C1orf116: variants seen among roughly 807,000 people sequenced by gnomAD.
C1orf116 encodes the protein specifically androgen-regulated gene protein.
A neutral mutation model predicts 14.1 loss-of-function variants in C1orf116; 12 were observed. The ratio of observed to expected loss-of-function variants is 0.85; its 90% confidence interval spans 0.54 to 1.38. The LOEUF (loss-of-function observed/expected upper bound fraction) is 1.38. Among genes scored for constraint, C1orf116 ranks in the 40% most tolerant of loss-of-function variants. The pLI, the probability that C1orf116 is intolerant of heterozygous loss-of-function variation, is 0.00. For missense variants in C1orf116, 797 were observed against 747.0 expected (o/e 1.07, Z -0.78); for synonymous variants, 296 against 299.0 (o/e 0.99, Z 0.10).
rs1682285107 is a variant in C1orf116 at position 207,032,735 on chromosome 1, G to A, written c.-238C>T. 5.1e-6 allele frequency: 5 copies of A among 985,288 alleles called. No individual in the cohort carries two copies. The highest frequency in any genetic ancestry group is 6.0e-6 in the Non-Finnish European group (5 of 829,962). 61.0% of individuals were successfully genotyped at this position (985,288 alleles called of 1,614,324 possible). A position where few individuals can be genotyped will look rare whatever the true frequency, so the allele number is the denominator to read the frequency against. On this transcript the variant is annotated 5_prime_UTR_variant, in exon 1 of 4. Transcript: ENST00000359470. Reference sequence around the variant, plus strand: ...GATAGGTAAATGCTTCATCTGTGCTGCCTGGCCCCCACCCTGCCACTGACT... The same window carrying A: ...GATAGGTAAATGCTTCATCTGTGCTACCTGGCCCCCACCCTGCCACTGACT...
rs776480857 is a variant in C1orf116 at position 207,027,522 on chromosome 1, A to T, written c.77T>A (p.Met26Lys). ...TCCAGAGCGGGTGGAGGTGCTGCTC[A>T]TCATGCTGTCACAGCTGCCGACACG... ...VTRVGSCDSM[M>K]SSTSTRSGSS... Residue 26 changes from methionine to lysine, a missense_variant, in exon 2 of 4, where the codon ATG becomes AAG. Transcript: ENST00000359470. The T allele has an allele frequency of 6.2e-7, 1 of 1,613,930 alleles. No homozygotes were observed. Among genetic ancestry groups the T allele is most frequent in the Admixed American group, 1.7e-5 (1 of 60,012 alleles).
At chr1:207,028,548 C>T (rs189349038) in intron 1 of C1orf116, among the ~76,000 whole-genome samples, 1 of 152,336 alleles carries the variant, frequency 6.6e-6, no homozygotes, top group East Asian at 1.9e-4. Context: ...TTTCTAGTGC[C>T]TCTGTTGTTG....
At chr1:207,029,144 C>A (rs904910975) in intron 1 of C1orf116, among the ~76,000 whole-genome samples, 1 of 151,920 alleles carries the variant, frequency 6.6e-6, no homozygotes, top group African/African-American at 2.4e-5. Flanking sequence ...CCCCAAGGAG[C>A]TCCTCTTCTG....
chr1:207,025,031 C>T lies in C1orf116; in HGVS notation c.139G>A (p.Glu47Lys), dbSNP rs749634407. 7.0e-7 allele frequency: 1 copy of T among 1,435,318 alleles called. No individual in the cohort carries two copies. The highest frequency in any genetic ancestry group is 2.0e-5 in the Admixed American group (1 of 50,370). 88.9% of individuals were successfully genotyped at this position (1,435,318 alleles called of 1,614,324 possible). A position where few individuals can be genotyped will look rare whatever the true frequency, so the allele number is the denominator to read the frequency against. The change falls in exon 3 of 4, where the codon GAG (glutamate) becomes AAG (lysine). Residue 47 changes from glutamate (E) to lysine (K), a missense_variant. By Grantham distance (56) the Glu-to-Lys change is moderately conservative. Coordinates refer to ENST00000359470, the MANE Select transcript of C1orf116 (RefSeq NM_023938.6). Reference sequence around the variant, plus strand: ...TCCAGGAAGAGCAGACACTCCTTCTCTTCAGTGGACAGGAAGTCGTAGCTG... The same window carrying T: ...TCCAGGAAGAGCAGACACTCCTTCTTTTCAGTGGACAGGAAGTCGTAGCTG... ...DSSYDFLSTE[E>K]KECLLFLEET...
chr1:207,024,020 A>T (rs1320152834), intron 3 of C1orf116, among the ~76,000 whole-genome samples: 1 of 152,204 alleles, frequency 6.6e-6, no homozygotes, highest in Non-Finnish European at 1.5e-5. Context: ...CCTCTGAATA[A>T]GTGATTTGCT....
chr1:207,022,458 C>T lies in C1orf116; in HGVS notation c.1306G>A (p.Ala436Thr), dbSNP rs1239765408. The T allele has an allele frequency of 6.2e-7, 1 of 1,614,198 alleles. No individual in the cohort carries two copies. Among genetic ancestry groups the T allele is most frequent in the Admixed American group, 1.7e-5 (1 of 60,020 alleles). ...GAAATTGGCATAGATTTGCTAGCTG[C>T]AACATTGCCTGGAGCTGGAGACTTC... ...PMKSPAPGNV[A>T]ASKSMPISIP... is the part of the protein sequence containing the mutation. The change falls in exon 4 of 4, where the codon GCA becomes ACA. Residue 436 changes from alanine to threonine, a missense_variant. Transcript: ENST00000359470.
Position 207,023,500 on chromosome 1 carries a change from C to A in C1orf116, c.284-20G>T. On this transcript the variant is annotated intron_variant, in intron 3 of 3. Transcript: ENST00000359470. ...GACCTCCTGTGAGGGTCAGAAAGAA[C>A]ATAAAAGAGTGGACAGAAAAAGAGT... The A allele has an allele frequency of 1.3e-6, 2 of 1,573,726 alleles. No homozygotes were observed. Among genetic ancestry groups the A allele is most frequent in the South Asian group, 1.2e-5 (1 of 84,176 alleles).
chr1:207,024,832 G>A (rs1235016771), intron 3 of C1orf116, 55 bp downstream of exon 3: 1 of 1,585,368 alleles, frequency 6.3e-7, no homozygotes, highest in African/African-American at 1.3e-5. Flanking sequence ...GGCCGGAGGG[G>A]ACATATTGAT....
chr1:207,022,183 C>G lies in C1orf116; in HGVS notation c.1581G>C (p.Arg527=). Residue 527 remains arginine (R), a synonymous_variant, in exon 4 of 4, where the codon CGG becomes CGC. Transcript: ENST00000359470. The stretch of plus-strand genomic sequence containing the variant: ...CCGTGCCCAGGGAGGCCGGGCGGGG[C>G]CGAGAATTACGTAAGACACTGGGCG... The part of the protein sequence containing the change: ...KISPSVLRNS[R]PRPASLGTGK... 1.2e-6 allele frequency: 2 copies of G among 1,613,706 alleles called. No individual in the cohort carries two copies. Among genetic ancestry groups the G allele is most frequent in the Non-Finnish European group, 1.7e-6 (2 of 1,179,724 alleles).
chr1:207,023,533 G>A (rs1265088429), intron 3 of C1orf116, 53 bp from the exon 4 acceptor site: 1 of 1,524,816 alleles, frequency 6.6e-7, no homozygotes, highest in Non-Finnish European at 8.8e-7. Flanking sequence ...AGTGGACAGA[G>A]GTGAGGGCCC....
Position 207,021,946 on chromosome 1 carries a change from T to TGGTC in C1orf116, c.*8_*11dup. ...TGTTCAGCCAGGACAGGGTCTGTAC[T>TGGTC]GGTCGCAGAGTCTACTCCTTCAACA... On this transcript the variant is annotated 3_prime_UTR_variant, in exon 4 of 4. Transcript: ENST00000359470. 6.6e-7 allele frequency: 1 copy of TGGTC among 1,517,782 alleles called. No homozygotes were observed. Among genetic ancestry groups the TGGTC allele is most frequent in the Non-Finnish European group, 8.8e-7 (1 of 1,134,118 alleles). 94.0% of individuals were successfully genotyped at this position (1,517,782 alleles called of 1,614,324 possible).
chr1:207,029,204 G>C (rs1012251057), intron 1 of C1orf116, among the ~76,000 whole-genome samples: 3 of 151,878 alleles, frequency 2.0e-5, no homozygotes, highest in Non-Finnish European at 4.4e-5. Flanking sequence ...CAGAACACTG[G>C]GGGGAAAACA....
At chr1:207,023,622 T>C in intron 3 of C1orf116, 142 bp from the exon 4 acceptor site, 1 of 1,281,668 alleles carries the variant, frequency 7.8e-7, no homozygotes, top group East Asian at 2.6e-5. Flanking sequence ...TGCCTTGTTT[T>C]CTTTGCTTTT....
At position 207,023,008 on chromosome 1, in the gene C1orf116, C is replaced by T; in HGVS notation, c.756G>A (p.Lys252=). The change falls in exon 4 of 4, where the codon AAG becomes AAA. Residue 252 remains lysine (K), a synonymous_variant. Coordinates refer to ENST00000359470, the MANE Select transcript of C1orf116 (RefSeq NM_023938.6). ...GTGTGTACCTGGTTGAGACTGTTTC[C>T]TTGGCTTTTTGGGACATGGCTTCTG... ...TPSEAMSQKA[K]ETVSTRYTQP... 1.2e-6 allele frequency: 2 copies of T among 1,613,972 alleles called. No homozygotes were observed. Among genetic ancestry groups the T allele is most frequent in the South Asian group, 2.2e-5 (2 of 91,086 alleles).
intron 1 of C1orf116, 60 bp downstream of exon 1, chr1:207,032,519 C>G: frequency 1.0e-6 from 1 of 975,950 alleles, no homozygotes; most frequent in Non-Finnish European, 1.2e-6. Flanking sequence ...GCTCTGATTT[C>G]CCATGAAACC....
rs1327922691 is a variant in C1orf116 at position 207,018,892 on chromosome 1, C to T, written c.*3066G>A. The T allele has an allele frequency of 1.3e-5, 2 of 152,298 alleles. No individual in the cohort carries two copies. The highest frequency in any genetic ancestry group is 2.9e-5 in the Non-Finnish European group (2 of 68,140). The allele number at this position is 152,298 out of a possible 1,614,324, so 9.4% of individuals were successfully genotyped here. ...GACAGGAGGGTCCTTCCTTCTTAGCCTACACATACAACCAGGTGTCAAAGG... is the reference window on the plus strand; with the variant it reads ...GACAGGAGGGTCCTTCCTTCTTAGCTTACACATACAACCAGGTGTCAAAGG... On this transcript the variant is annotated 3_prime_UTR_variant, in exon 4 of 4. Transcript: ENST00000359470.
At chr1:207,030,847 G>C (rs1201238964) in intron 1 of C1orf116, among the ~76,000 whole-genome samples, 1 of 152,112 alleles carries the variant, frequency 6.6e-6, no homozygotes, top group East Asian at 1.9e-4. Context: ...CTATAGTCAG[G>C]GCCACCCATC....
In C1orf116 at chr1:207,023,291, G is replaced by C. The variant is rs1681950864; in HGVS notation, c.473C>G (p.Pro158Arg). The change falls in exon 4 of 4, where the codon CCT becomes CGT. Residue 158 changes from proline to arginine, a missense_variant. By Grantham distance (103) the Pro-to-Arg change is moderately radical. Coordinates refer to ENST00000359470, the MANE Select transcript of C1orf116 (RefSeq NM_023938.6). Reference sequence around the variant, plus strand: ...TGGCGCAAGCCTCCCCGGTTCTCCAGGGTTGTGACTGCTAGCCTGGGTGGT... The same window carrying C: ...TGGCGCAAGCCTCCCCGGTTCTCCACGGTTGTGACTGCTAGCCTGGGTGGT... Reference protein sequence around the residue: ...KSTTQASSHNPGEPGRLAPEP... With the variant: ...KSTTQASSHNRGEPGRLAPEP... 2.5e-6 allele frequency: 4 copies of C among 1,614,188 alleles called. No homozygotes were observed. The highest frequency in any genetic ancestry group is 1.7e-6 in the Non-Finnish European group (2 of 1,179,996).
chr1:207,029,096 G>A (rs1213370993), intron 1 of C1orf116, among the ~76,000 whole-genome samples: 1 of 152,090 alleles, frequency 6.6e-6, no homozygotes, highest in Non-Finnish European at 1.5e-5. Flanking sequence ...GGTTGGGTGA[G>A]TCAGCTTTCC....
Sources: allele counts gnomAD v4.1 joint callset (sites outside exome capture counted in the v4.1 genomes callset), GRCh38; gene constraint gnomAD v4.1.1; transcripts MANE v1.5; gene names NCBI Gene and HGNC (gene_info 2026-07-23, HGNC 2026-07-21).